IL1RAPL2: variants seen among roughly 807,000 people sequenced by gnomAD.
The protein encoded by IL1RAPL2 is X-linked interleukin-1 receptor accessory protein-like 2.
IL1RAPL2 carries 3 observed loss-of-function variants against 44.1 expected under a neutral mutation model. The ratio of observed to expected loss-of-function variants is 0.07; its 90% CI spans 0.03 to 0.18. The LOEUF (loss-of-function observed/expected upper bound fraction) is 0.18, where lower values mean the gene tolerates loss of function less well. IL1RAPL2 is among the 10% of genes least tolerant of loss of function. The pLI, the probability that IL1RAPL2 is intolerant of heterozygous loss-of-function variation, is 1.00. For missense variants in IL1RAPL2, 391 were observed against 496.4 expected, an observed-to-expected ratio of 0.79 and a Z score of 2.02; for synonymous variants, 181 against 178.8, an observed-to-expected ratio of 1.01 and a Z score of -0.10.
intron 5 of IL1RAPL2, among the ~76,000 whole-genome samples, chrX:105,392,870 C>T (rs1335176891): frequency 2.7e-5 from 3 of 112,434 alleles, no homozygotes; most frequent in Non-Finnish European, 3.8e-5. Flanking sequence ...ACCCCCTTTT[C>T]AGGGTTAGCA....
At chrX:105,602,379 A>T in intron 6 of IL1RAPL2, among the ~76,000 whole-genome samples, 1 of 110,745 alleles carries the variant, frequency 9.0e-6, no homozygotes, top group East Asian at 2.9e-4. Context: ...CTTTTAAAAT[A>T]AACCAGTAAG....
At chrX:105,721,277 A>T (rs1359466056) in intron 7 of IL1RAPL2, among the ~76,000 whole-genome samples, 1 of 110,383 alleles carries the variant, frequency 9.1e-6, no homozygotes, top group African/African-American at 3.3e-5. Context: ...TTAGCTGGGC[A>T]TGGTGGCAGG....
intron 1 of IL1RAPL2, among the ~76,000 whole-genome samples, chrX:104,599,304 A>G (rs1426837769): frequency 9.0e-6 from 1 of 111,494 alleles, no homozygotes; most frequent in African/African-American, 3.3e-5. Flanking sequence ...CTGAAGTGCA[A>G]TGGCGTGATC....
At chrX:105,084,858 C>T (rs938116622) in intron 2 of IL1RAPL2, among the ~76,000 whole-genome samples, 5 of 111,742 alleles carry the variant, frequency 4.5e-5, no homozygotes, top group African/African-American at 1.3e-4. Flanking sequence ...CCCCACATGT[C>T]GAGGGAGGGA....
chrX:105,063,042 C>T (rs2032094417), intron 2 of IL1RAPL2, among the ~76,000 whole-genome samples: 1 of 111,118 alleles, frequency 9.0e-6, no homozygotes, highest in Non-Finnish European at 1.9e-5. Flanking sequence ...TTGTTCTCTA[C>T]CCCCTTTTCA....
At chrX:105,523,186 C>CT (rs1336884796) in intron 6 of IL1RAPL2, among the ~76,000 whole-genome samples, 3 of 111,461 alleles carry the variant, frequency 2.7e-5, no homozygotes, top group Non-Finnish European at 5.7e-5. Context: ...TTGTGGATTG[C>CT]TTTTTTCTTA....
chrX:105,182,838 G>A (rs1368754283), intron 2 of IL1RAPL2, among the ~76,000 whole-genome samples: 1 of 111,274 alleles, frequency 9.0e-6, no homozygotes, highest in Non-Finnish European at 1.9e-5. Flanking sequence ...TAGTGGTGAT[G>A]GGACAACACT....
At chrX:104,837,837 C>A (rs1331570236) in intron 2 of IL1RAPL2, among the ~76,000 whole-genome samples, 1 of 111,832 alleles carries the variant, frequency 8.9e-6, no homozygotes, top group Admixed American at 9.5e-5. Flanking sequence ...CCTAGGTTTT[C>A]TTCTAGGGTT....
At chrX:105,752,273 C>T (rs897172390) in intron 9 of IL1RAPL2, among the ~76,000 whole-genome samples, 4 of 112,218 alleles carry the variant, frequency 3.6e-5, no homozygotes, top group African/African-American at 1.3e-4. Context: ...AGTATTTGCT[C>T]TGTAGAAACT....
At chrX:105,404,602 T>C (rs1421878692) in intron 5 of IL1RAPL2, among the ~76,000 whole-genome samples, 1 of 111,497 alleles carries the variant, frequency 9.0e-6, no homozygotes, top group African/African-American at 3.3e-5. Flanking sequence ...GATGTAGTGG[T>C]TGGTAGGGAT....
At chrX:105,053,068 C>T (rs1041108625) in intron 2 of IL1RAPL2, among the ~76,000 whole-genome samples, 2 of 110,595 alleles carry the variant, frequency 1.8e-5, no homozygotes, top group African/African-American at 6.6e-5. Context: ...GTTGGTCTTG[C>T]TGGGAGCTGC....
intron 6 of IL1RAPL2, among the ~76,000 whole-genome samples, chrX:105,554,783 C>T (rs2036884987): frequency 9.0e-6 from 1 of 111,488 alleles, no homozygotes; most frequent in Admixed American, 9.6e-5. Flanking sequence ...ATTTATGTAT[C>T]TGTTATGTTC....
At chrX:104,781,182 C>T (rs1180748189) in intron 2 of IL1RAPL2, among the ~76,000 whole-genome samples, 1 of 110,525 alleles carries the variant, frequency 9.0e-6, no homozygotes, top group Non-Finnish European at 1.9e-5. Context: ...CATTATTAAA[C>T]ACTTAATGTG....
intron 6 of IL1RAPL2, among the ~76,000 whole-genome samples, chrX:105,516,801 T>G (rs2036518253): frequency 9.0e-6 from 1 of 111,506 alleles, no homozygotes; most frequent in African/African-American, 3.3e-5. Context: ...TTCATAGACG[T>G]TTTTTGCAAG....
intron 2 of IL1RAPL2, among the ~76,000 whole-genome samples, chrX:104,922,276 C>G (rs1924665197): frequency 8.8e-6 from 1 of 113,308 alleles, no homozygotes; most frequent in Non-Finnish European, 1.9e-5. Flanking sequence ...TCGCCATCTA[C>G]TGGCTGGGAC....
intron 1 of IL1RAPL2, among the ~76,000 whole-genome samples, chrX:104,611,560 G>C (rs1458063260): frequency 9.0e-6 from 1 of 111,200 alleles, no homozygotes; most frequent in Non-Finnish European, 1.9e-5. Flanking sequence ...ATTTCAAGCC[G>C]GGCACGGTGG....
rs777477498 is a variant in IL1RAPL2 at position 105,416,718 on chromosome X, T to C, written c.698-67595T>C. ...ATAATCCTTCTCTCCGTAGCCTTCCTGTATTAAAGAGGAAAGATAAGAGCT... is the reference window on the plus strand; with the variant it reads ...ATAATCCTTCTCTCCGTAGCCTTCCCGTATTAAAGAGGAAAGATAAGAGCT... On this transcript the variant is annotated intron_variant, in intron 5 of 10. Coordinates refer to ENST00000372582, the MANE Select transcript of IL1RAPL2 (RefSeq NM_017416.2). Among the ~76,000 whole-genome samples, 57 of 112,030 alleles carry C rather than the reference T, an allele frequency of 5.1e-4. 1 individual carries two copies. The highest frequency in any genetic ancestry group is 1.3e-4 in the Non-Finnish European group (7 of 53,230).
chrX:105,283,368 AC>A (rs1243147679), intron 5 of IL1RAPL2, among the ~76,000 whole-genome samples: 1 of 111,608 alleles, frequency 9.0e-6, no homozygotes, highest in Non-Finnish European at 1.9e-5. Flanking sequence ...TTGAGGCTGG[AC>A]CCTGATGGTT....
intron 5 of IL1RAPL2, among the ~76,000 whole-genome samples, chrX:105,429,364 G>GCATC (rs780496662): frequency 8.9e-6 from 1 of 111,854 alleles, no homozygotes; most frequent in South Asian, 3.7e-4. Context: ...GATACTGCAG[G>GCATC]CATCCTTTAT....
Sources: allele counts gnomAD v4.1 joint callset (sites outside exome capture counted in the v4.1 genomes callset), GRCh38; gene constraint gnomAD v4.1.1; transcripts MANE v1.5; gene names NCBI Gene and HGNC (gene_info 2026-07-23, HGNC 2026-07-21).